UNC13C: variants seen among roughly 807,000 people sequenced by gnomAD.
The protein encoded by UNC13C is protein unc-13 homolog C.
Under a neutral mutation model 245.4 loss-of-function variants are expected in UNC13C, and 174 were observed. The ratio of observed to expected loss-of-function variants is 0.71; its 90% CI spans 0.63 to 0.80. The LOEUF (loss-of-function observed/expected upper bound fraction) is 0.80. UNC13C is among the 30% of genes least tolerant of loss of function. The probability of loss-of-function intolerance (pLI) is 0.00; values close to 1 mark genes in which losing one functional copy is unlikely to be tolerated. For synonymous variants in UNC13C, 992 were observed against 895.1 expected, an observed-to-expected ratio of 1.11 and a Z score of -1.93; for missense variants, 2,829 against 2,602.9, an observed-to-expected ratio of 1.09 and a Z score of -1.89.
chr15:54,414,517 C>A (rs2040478711), intron 18 of UNC13C, among the ~76,000 whole-genome samples: 1 of 152,014 alleles, frequency 6.6e-6, no homozygotes, highest in African/African-American at 2.4e-5. Context: ...CATGGTGGCA[C>A]ACGCCTGTAA....
chr15:54,302,959 T>C (rs12440713), intron 13 of UNC13C, among the ~76,000 whole-genome samples: 6 of 151,936 alleles, frequency 3.9e-5, no homozygotes, highest in African/African-American at 1.4e-4. Context: ...TGATAATTAC[T>C]GATAGAGAAA....
chr15:54,143,106 A>T (rs1412452090), intron 3 of UNC13C, 66 bp downstream of exon 3: 2 of 1,427,590 alleles, frequency 1.4e-6, no homozygotes, highest in Non-Finnish European at 2.0e-6. Context: ...TGTTTGTGAC[A>T]TATTAGATCT....
chr15:54,180,319 T>C (rs1009761959), intron 4 of UNC13C, among the ~76,000 whole-genome samples: 1 of 152,104 alleles, frequency 6.6e-6, no homozygotes, highest in African/African-American at 2.4e-5. Context: ...TCCATGCTGC[T>C]ACAAAGGACA....
intron 19 of UNC13C, among the ~76,000 whole-genome samples, chr15:54,433,931 A>G (rs1440952839): frequency 6.6e-6 from 1 of 152,096 alleles, no homozygotes; most frequent in Admixed American, 6.6e-5. Flanking sequence ...ATTCCTATAT[A>G]CCAATAATAG....
intron 13 of UNC13C, among the ~76,000 whole-genome samples, chr15:54,302,448 A>T (rs1021600641): frequency 7.9e-5 from 12 of 152,206 alleles, no homozygotes; most frequent in Non-Finnish European, 1.8e-4. Flanking sequence ...TCTTTAATCC[A>T]TCTTGAGTTA....
the UNC13C span, among the ~76,000 whole-genome samples, chr15:53,842,900 T>TTATATATATATA: frequency 8.9e-5 from 13 of 145,940 alleles, no homozygotes; most frequent in African/African-American, 3.0e-4. Context: ...ATTTTAAGTT[T>TTATATATATATA]TATATATATA....
At chr15:53,953,354 G>A in the UNC13C span, among the ~76,000 whole-genome samples, 1 of 152,156 alleles carries the variant, frequency 6.6e-6, no homozygotes, top group African/African-American at 2.4e-5. Context: ...TCTGCCTCGT[G>A]GTGCTCCAGG....
chr15:54,291,732 A>C (rs191038070), intron 10 of UNC13C, among the ~76,000 whole-genome samples: 1 of 152,128 alleles, frequency 6.6e-6, no homozygotes, highest in Non-Finnish European at 1.5e-5. Flanking sequence ...TTAGGTAGAC[A>C]TAGTAGTTCT....
intron 30 of UNC13C, among the ~76,000 whole-genome samples, chr15:54,574,018 T>TTTTTTAC (rs1897861232): frequency 6.6e-6 from 1 of 152,190 alleles, no homozygotes; most frequent in Non-Finnish European, 1.5e-5. Flanking sequence ...AGTACGTACT[T>TTTTTTAC]GCGCTCTTAT....
chr15:54,009,101 G>A (rs1895267157), intron 1 of UNC13C, among the ~76,000 whole-genome samples: 1 of 152,150 alleles, frequency 6.6e-6, no homozygotes, highest in Admixed American at 6.5e-5. Flanking sequence ...ATGGTTTTAT[G>A]ATGGGATTGT....
intron 14 of UNC13C, among the ~76,000 whole-genome samples, chr15:54,325,725 T>C (rs1296935175): frequency 6.6e-6 from 1 of 152,048 alleles, no homozygotes; most frequent in Non-Finnish European, 1.5e-5. Context: ...TAAAATACCT[T>C]AAGTCTGTAT....
At chr15:53,842,779 T>G in the UNC13C span, among the ~76,000 whole-genome samples, 1 of 152,134 alleles carries the variant, frequency 6.6e-6, no homozygotes, top group East Asian at 1.9e-4. Context: ...TTAACTTTCC[T>G]CAAACTATAG....
At chr15:54,029,719 G>A (rs993574934) in intron 2 of UNC13C, among the ~76,000 whole-genome samples, 1 of 152,202 alleles carries the variant, frequency 6.6e-6, no homozygotes, top group Admixed American at 6.5e-5. Context: ...CACTTTGCAT[G>A]CATTTTCCCA....
At chr15:53,879,974 TATAC>T in the UNC13C span, among the ~76,000 whole-genome samples, 7 of 151,966 alleles carry the variant, frequency 4.6e-5, no homozygotes, top group Non-Finnish European at 8.8e-5. Flanking sequence ...TGTGTGTGTA[TATAC>T]ATATATATGT....
In UNC13C at chr15:54,549,688, G is replaced by A. The variant is rs749502736; in HGVS notation, c.5874G>A (p.Leu1958=). Residue 1958 remains leucine, a synonymous_variant, in exon 28 of 33, where the codon CTG becomes CTA. Transcript: ENST00000260323. ...AAKDLGQLSK[L]KEHMIREDAR... ...AAGATCTTGGACAATTATCCAAACT[G>A]AAGGTAATAAAAATAAGGAAATTAC... 1.2e-5 allele frequency: 19 copies of A among 1,592,184 alleles called. No homozygotes were observed. The highest frequency in any genetic ancestry group is 1.6e-5 in the Non-Finnish European group (19 of 1,168,934).
At chr15:53,948,881 GAGAGGGGAATCC>G in the UNC13C span, among the ~76,000 whole-genome samples, 3 of 152,122 alleles carry the variant, frequency 2.0e-5, no homozygotes, top group South Asian at 6.2e-4. Context: ...AATGAAGCTA[GAGAGGGGAATCC>G]AGAGCCTTGC....
chr15:54,393,012 C>T (rs773548738), intron 17 of UNC13C, 36 bp from the exon 18 acceptor site: 9 of 1,528,126 alleles, frequency 5.9e-6, no homozygotes, highest in Admixed American at 2.2e-5. Context: ...TCCCATTTAA[C>T]CTTTTCTTTT....
intron 4 of UNC13C, among the ~76,000 whole-genome samples, chr15:54,152,753 G>A (rs936702304): frequency 2.6e-5 from 4 of 151,948 alleles, no homozygotes; most frequent in African/African-American, 9.7e-5. Context: ...TAAATAAGAT[G>A]GAAAGTGTAA....
chr15:53,966,483 C>T, the UNC13C span, among the ~76,000 whole-genome samples: 3 of 152,270 alleles, frequency 2.0e-5, no homozygotes, highest in African/African-American at 7.2e-5. Context: ...AGATTATACT[C>T]TTTATCCTTG....
Sources: gnomAD v4.1 joint callset for allele counts (sites outside exome capture counted in the v4.1 genomes callset) on GRCh38, gnomAD v4.1.1 for gene constraint, MANE v1.5 for transcripts, NCBI Gene and HGNC (gene_info 2026-07-23, HGNC 2026-07-21) for gene names.